PMFBP1: variants seen among roughly 807,000 people sequenced by gnomAD.
PMFBP1 encodes polyamine modulated factor 1 binding protein 1, also known as polyamine-modulated factor 1-binding protein 1.
A neutral mutation model predicts 137.8 loss-of-function variants in PMFBP1; 131 were observed. The observed-to-expected ratio is 0.95, with a 90% CI of 0.82 to 1.10. PMFBP1 has a LOEUF of 1.10. PMFBP1 is among the 50% of genes least tolerant of loss of function. PMFBP1 has a pLI of 0.00. For synonymous variants in PMFBP1, 490 were observed against 450.4 expected, an observed-to-expected ratio of 1.09 and a Z score of -1.11; for missense variants, 1,199 against 1,175.4, an observed-to-expected ratio of 1.02 and a Z score of -0.29.
At chr16:72,133,055 G>C (rs2042573161) in intron 9 of PMFBP1, 64 bp from the exon 10 acceptor site, 8 of 1,578,284 alleles carry the variant, frequency 5.1e-6, no homozygotes, top group Admixed American at 3.4e-5. Flanking sequence ...GGCAATGAGA[G>C]GTTGTCTCAA....
the PMFBP1 span, among the ~76,000 whole-genome samples, chr16:72,205,444 G>A: frequency 1.3e-5 from 2 of 152,182 alleles, no homozygotes; most frequent in Non-Finnish European, 1.5e-5. Context: ...CAGTAACCAC[G>A]TGTGTGTCCA....
the PMFBP1 span, among the ~76,000 whole-genome samples, chr16:72,208,237 T>C: frequency 1.3e-5 from 2 of 152,160 alleles, no homozygotes; most frequent in East Asian, 1.9e-4. Context: ...ATCACCACAG[T>C]GCCATGAAGT....
the PMFBP1 span, among the ~76,000 whole-genome samples, chr16:72,228,586 T>C: frequency 2.6e-4 from 40 of 152,268 alleles, no homozygotes; most frequent in East Asian, 4.4e-3. Context: ...CTGCATCTCA[T>C]TGACAGCTGT....
intron 3 of PMFBP1, among the ~76,000 whole-genome samples, chr16:72,161,956 T>C (rs1364083937): frequency 6.6e-6 from 1 of 152,248 alleles, no homozygotes; most frequent in Non-Finnish European, 1.5e-5. Context: ...AGTTTTATGC[T>C]AAAAAGTGTC....
chr16:72,125,790 C>T (rs1441413416), intron 15 of PMFBP1, among the ~76,000 whole-genome samples, 178 bp downstream of exon 15: 1 of 152,238 alleles, frequency 6.6e-6, no homozygotes, highest in African/African-American at 2.4e-5. Context: ...CTCCACCCAA[C>T]TCCAAGCCTC....
chr16:72,137,357 T>G (rs1360366173), intron 7 of PMFBP1, among the ~76,000 whole-genome samples: 1 of 151,952 alleles, frequency 6.6e-6, no homozygotes, highest in Non-Finnish European at 1.5e-5. Context: ...TGGGGTGAGA[T>G]GAAGAGCATA....
chr16:72,208,729 C>T, the PMFBP1 span, among the ~76,000 whole-genome samples: 2 of 152,186 alleles, frequency 1.3e-5, no homozygotes, highest in African/African-American at 4.8e-5. Context: ...ATGGATGTTT[C>T]CTGTCAGCGT....
At chr16:72,161,396 C>A (rs867623475) in intron 3 of PMFBP1, among the ~76,000 whole-genome samples, 56 of 152,022 alleles carry the variant, frequency 3.7e-4, no homozygotes, top group Middle Eastern at 3.2e-3. Flanking sequence ...CCGCGCCCGG[C>A]CTTATCTGTT....
chr16:72,150,674 G>A lies in PMFBP1; in HGVS notation c.570C>T (p.Ser190=). 1 of 1,614,122 alleles carries A rather than the reference G, an allele frequency of 6.2e-7. No individual in the cohort carries two copies. The highest frequency in any genetic ancestry group is 8.5e-7 in the Non-Finnish European group (1 of 1,180,014). ...LYRDKYQSSL[S]NIELLECQVK... ...CTTGGCATTCTAGTAACTCGATGTT[G>A]CTCAGGGAAGACTGGTATTTATCCC... The change falls in exon 5 of 21, where the codon AGC becomes AGT. Residue 190 remains serine (S), a synonymous_variant. Coordinates refer to ENST00000237353, the MANE Select transcript of PMFBP1 (RefSeq NM_031293.3).
the PMFBP1 span, among the ~76,000 whole-genome samples, chr16:72,209,712 A>G: frequency 6.6e-6 from 1 of 152,164 alleles, no homozygotes; most frequent in East Asian, 1.9e-4. Context: ...GGGATACAGA[A>G]CAAATACAAG....
the PMFBP1 span, among the ~76,000 whole-genome samples, chr16:72,185,487 G>A: frequency 2.0e-5 from 3 of 151,876 alleles, no homozygotes; most frequent in East Asian, 3.9e-4. Flanking sequence ...ATCATCTTTG[G>A]GTTCACTCAG....
chr16:72,227,986 AG>A, the PMFBP1 span, among the ~76,000 whole-genome samples: 1 of 152,198 alleles, frequency 6.6e-6, no homozygotes, highest in Non-Finnish European at 1.5e-5. Flanking sequence ...TCTTCCCCGT[AG>A]CCCCCATGGT....
chr16:72,125,285 T>C lies in PMFBP1; in HGVS notation c.2374A>G (p.Thr792Ala), dbSNP rs745331310. ...AYEERMKKLN[T>A]ELRKLRGFHQ... ...AAGCCCCGCAGTTTTCTTAATTCCG[T>C]ATTGAGCTTTTTCATCCTTTCCTCA... The change falls in exon 16 of 21, where the codon ACG becomes GCG. Residue 792 changes from threonine to alanine, a missense_variant. By Grantham distance (58) the Thr-to-Ala change is moderately conservative (BLOSUM62 0). Transcript: ENST00000237353. 6.2e-7 allele frequency: 1 copy of C among 1,614,172 alleles called. No individual in the cohort carries two copies. The highest frequency in any genetic ancestry group is 1.1e-5 in the South Asian group (1 of 91,084).
intron 3 of PMFBP1, among the ~76,000 whole-genome samples, chr16:72,162,988 TG>T (rs1344916645): frequency 2.6e-5 from 4 of 152,226 alleles, no homozygotes; most frequent in African/African-American, 9.7e-5. Flanking sequence ...AATGCTTTGT[TG>T]GTAGTATTTC....
Position 72,150,764 on chromosome 16 carries a change from C to T in PMFBP1, c.480G>A (p.Ala160=), listed in dbSNP as rs373109383. Residue 160 remains alanine, a synonymous_variant, in exon 5 of 21, where the codon GCG becomes GCA. Transcript: ENST00000237353. The part of the protein sequence containing the change: ...NENTGEKLHL[A]QEQLALAGDK... Reference sequence around the variant, plus strand: ...CCCCGGCCAAGGCGAGTTGCTCCTGCGCCAAATGGAGCTTCTCCCCTGTGT... The same window carrying T: ...CCCCGGCCAAGGCGAGTTGCTCCTGTGCCAAATGGAGCTTCTCCCCTGTGT... 22 of 1,614,070 alleles carry T rather than the reference C, an allele frequency of 1.4e-5. No individual in the cohort carries two copies. The highest frequency in any genetic ancestry group is 9.9e-5 in the South Asian group (9 of 91,086).
At chr16:72,180,461 A>G (rs546011581), upstream of PMFBP1, among the ~76,000 whole-genome samples, 1 of 152,158 alleles carries the variant, frequency 6.6e-6, no homozygotes, top group Non-Finnish European at 1.5e-5. Flanking sequence ...TGAGTTTCTC[A>G]GTGGAGCTAT....
chr16:72,174,464 G>A (rs2043249232), upstream of PMFBP1, among the ~76,000 whole-genome samples: 1 of 152,200 alleles, frequency 6.6e-6, no homozygotes, highest in Non-Finnish European at 1.5e-5. Flanking sequence ...GGCACCAGGG[G>A]AAGCTTGTGG....
At chr16:72,123,896 T>C (rs774067959) in intron 17 of PMFBP1, among the ~76,000 whole-genome samples, 19 of 152,208 alleles carry the variant, frequency 1.2e-4, no homozygotes, top group Non-Finnish European at 2.2e-4. Flanking sequence ...TGTACACTTA[T>C]AATCACGGTT....
intron 2 of PMFBP1, 144 bp downstream of exon 2, chr16:72,171,053 C>A: frequency 4.5e-6 from 4 of 898,228 alleles, no homozygotes; most frequent in Non-Finnish European, 1.8e-6. Context: ...CGAGTCTGGG[C>A]TCTTAAACAC....
Sources: allele counts gnomAD v4.1 joint callset (sites outside exome capture counted in the v4.1 genomes callset), GRCh38; gene constraint gnomAD v4.1.1; transcripts MANE v1.5; gene names NCBI Gene and HGNC (gene_info 2026-07-23, HGNC 2026-07-21).